The following ZNF33A variants were observed in gnomAD, a reference collection of about 807,000 sequenced individuals.
ZNF33A encodes the protein zinc finger protein 33A, also known as brain my041 protein.
In ZNF33A, 9 loss-of-function variants were observed where a neutral mutation model predicts 15.9. The observed-to-expected ratio is 0.57, with a 90% CI of 0.34 to 0.99. The LOEUF is 0.99. Among genes scored for constraint, ZNF33A ranks in the 50% least tolerant of loss-of-function variants. The pLI is 0.02. For missense variants in ZNF33A, 843 were observed against 941.6 expected (o/e 0.90, Z 1.37); for synonymous variants, 294 against 324.2 (o/e 0.91, Z 1.00).
chr10:38,012,425 GTTTTTTTTTTTT>G, intron 2 of ZNF33A, 75 bp downstream of exon 2: 3 of 527,984 alleles, frequency 5.7e-6, no homozygotes, highest in Non-Finnish European at 8.3e-6. Context: ...TATGGTGTTT[GTTTTTTTTTTTT>G]TTTTTTTTTT....
intron 4 of ZNF33A, among the ~76,000 whole-genome samples, chr10:38,032,019 G>C (rs2065235094): frequency 6.6e-6 from 1 of 152,084 alleles, no homozygotes; most frequent in African/African-American, 2.4e-5. Context: ...TATACTATTT[G>C]TTGAAAAATC....
intron 2 of ZNF33A, among the ~76,000 whole-genome samples, chr10:38,014,427 G>A (rs2064350662): frequency 6.6e-6 from 1 of 152,156 alleles, no homozygotes; most frequent in South Asian, 2.1e-4. Context: ...TACTAGTCTA[G>A]ATGACTTTTC....
intron 4 of ZNF33A, among the ~76,000 whole-genome samples, chr10:38,046,339 G>T (rs1210994521): frequency 1.3e-5 from 2 of 152,144 alleles, no homozygotes. Flanking sequence ...CTCACATAGG[G>T]CCTGGAAAAG....
chr10:38,054,997 T>G lies in ZNF33A; in HGVS notation c.873T>G (p.Ser291=), dbSNP rs144835845. The change falls in exon 5 of 5, where the codon TCT becomes TCG. Residue 291 remains serine, a synonymous_variant. Coordinates refer to ENST00000432900, the MANE Select transcript of ZNF33A (RefSeq NM_006954.2). ...TCTTATGTGTGAAGTCCACCCTTTCTAAACCTCATGGGGTATCTATGAAAC... is the reference window on the plus strand; with the variant it reads ...TCTTATGTGTGAAGTCCACCCTTTCGAAACCTCATGGGGTATCTATGAAAC... ...EKFLCVKSTL[S]KPHGVSMKHY... 6.1e-5 allele frequency: 98 copies of G among 1,614,142 alleles called. No homozygotes were observed. The African/African-American group carries it at 1.1e-3, about 18-fold the overall frequency.
chr10:38,057,595 G>A lies in ZNF33A; in HGVS notation c.*1035G>A. On this transcript the variant is annotated 3_prime_UTR_variant, in exon 5 of 5. Coordinates refer to ENST00000432900, the MANE Select transcript of ZNF33A (RefSeq NM_006954.2). ...TTAAAAGGAGACCCACAGAGCTAATGTTTATCCATTTAAAAGGTATAAATC... is the reference window on the plus strand; with the variant it reads ...TTAAAAGGAGACCCACAGAGCTAATATTTATCCATTTAAAAGGTATAAATC... 1.0e-6 allele frequency: 1 copy of A among 983,232 alleles called. No individual in the cohort carries two copies. The highest frequency in any genetic ancestry group is 1.2e-6 in the Non-Finnish European group (1 of 827,960). 60.9% of individuals were successfully genotyped at this position (983,232 alleles called of 1,614,324 possible).
At chr10:38,042,447 G>T (rs2065747140) in intron 4 of ZNF33A, among the ~76,000 whole-genome samples, 1 of 150,990 alleles carries the variant, frequency 6.6e-6, no homozygotes, top group Non-Finnish European at 1.5e-5. Flanking sequence ...CTCCCAAAGT[G>T]CTGGGATTAC....
At chr10:38,017,120 C>A in intron 3 of ZNF33A, 105 bp downstream of exon 3, 1 of 1,495,016 alleles carries the variant, frequency 6.7e-7, no homozygotes, top group Non-Finnish European at 9.0e-7. Flanking sequence ...GGTTAGGCTT[C>A]AGGAGTCAGT....
intron 4 of ZNF33A, among the ~76,000 whole-genome samples, chr10:38,022,626 C>A (rs2064802544): frequency 7.6e-6 from 1 of 131,670 alleles, no homozygotes; most frequent in East Asian, 2.2e-4. Context: ...CCATTGTACT[C>A]TAGCCTGGGC....
intron 4 of ZNF33A, among the ~76,000 whole-genome samples, chr10:38,029,978 T>C (rs553266471): frequency 6.6e-6 from 1 of 152,302 alleles, no homozygotes; most frequent in Non-Finnish European, 1.5e-5. Flanking sequence ...AACACTAATA[T>C]ATTCATCCAA....
chr10:38,035,645 GTAATGCAAT>G (rs1006375593), intron 4 of ZNF33A, among the ~76,000 whole-genome samples: 18 of 152,164 alleles, frequency 1.2e-4, no homozygotes, highest in African/African-American at 4.3e-4. Context: ...TTTTACATTT[GTAATGCAAT>G]TAGATGTTTT....
rs71007682 is a variant in ZNF33A, at chr10:38,024,163, CAAAAAAAAAAAA to C, written c.250+6784_250+6795del. Among the ~76,000 whole-genome samples the C allele has an allele frequency of 4.3e-5, 4 of 93,218 alleles. No individual in the cohort carries two copies. In the East Asian group the frequency reaches 1.4e-3, roughly 32 times the overall value. The allele number at this position is 93,218 out of a possible 152,430, so 61.2% of individuals were successfully genotyped here. A position where few individuals can be genotyped will look rare whatever the true frequency, so the allele number is the denominator to read the frequency against. On this transcript the variant is annotated intron_variant, in intron 4 of 4. Transcript: ENST00000432900. ...GTGAAACTCCGTCTCAAAAACAAAA[CAAAAAAAAAAAA>C]AAAAAAGAAAAAATGTAAACCTCCC...
chr10:38,010,892 T>C (rs967583003), intron 1 of ZNF33A, 109 bp downstream of exon 1: 29 of 1,376,872 alleles, frequency 2.1e-5, no homozygotes, highest in South Asian at 2.4e-5. Flanking sequence ...GGGGACCTCA[T>C]AGGGGAAGGC....
At chr10:38,062,231 C>T (rs1226663871), downstream of ZNF33A, among the ~76,000 whole-genome samples, 1 of 152,178 alleles carries the variant, frequency 6.6e-6, no homozygotes, top group Non-Finnish European at 1.5e-5. Flanking sequence ...ACTCACCTTT[C>T]TGGCTCTTTC....
intron 4 of ZNF33A, among the ~76,000 whole-genome samples, chr10:38,046,735 C>T (rs986825217): frequency 3.3e-5 from 5 of 151,966 alleles, no homozygotes; most frequent in African/African-American, 1.2e-4. Flanking sequence ...CTGACAAGTT[C>T]ATTGAAAATA....
chr10:38,057,919 T>C lies in ZNF33A; in HGVS notation c.*1359T>C. 2 of 985,318 alleles carry C rather than the reference T, an allele frequency of 2.0e-6. No homozygotes were observed. Among genetic ancestry groups the C allele is most frequent in the African/African-American group, 1.7e-5 (1 of 57,348 alleles). 61.0% of individuals were successfully genotyped at this position (985,318 alleles called of 1,614,324 possible). On this transcript the variant is annotated 3_prime_UTR_variant, in exon 5 of 5. Coordinates refer to ENST00000432900, the MANE Select transcript of ZNF33A (RefSeq NM_006954.2). ...ACAGGGATCTGGGCCCTCAGACTTT[T>C]GAGAATATGAAGAGGAGGGTTGAGG... is the stretch of plus-strand genomic sequence containing the variant.
At chr10:38,043,869 T>G (rs1322180817) in intron 4 of ZNF33A, 3 of 151,886 alleles carry the variant, frequency 2.0e-5, no homozygotes, top group South Asian at 2.1e-4. Context: ...TTTTTTTTTT[T>G]TTTTGTTTAA....
chr10:38,067,197 C>T (rs531452733), downstream of ZNF33A, among the ~76,000 whole-genome samples: 1 of 152,122 alleles, frequency 6.6e-6, no homozygotes, highest in African/African-American at 2.4e-5. Context: ...ATGAATACAC[C>T]AGACCACATG....
intron 4 of ZNF33A, among the ~76,000 whole-genome samples, chr10:38,025,156 G>T (rs1388129800): frequency 6.6e-6 from 1 of 152,198 alleles, no homozygotes; most frequent in African/African-American, 2.4e-5. Context: ...TCCGCTGGGT[G>T]TCTTGGAATG....
In ZNF33A at chr10:38,056,584, T is replaced by C. The variant is rs763665955; in HGVS notation, c.*24T>C. The stretch of plus-strand genomic sequence containing the variant: ...AACTATCCACAAACTCACCTTATGT[T>C]ACTCCAAAGTAATAGTAGGGGATAA... On this transcript the variant is annotated 3_prime_UTR_variant, in exon 5 of 5. Transcript: ENST00000432900. The C allele has an allele frequency of 3.1e-5, 48 of 1,532,980 alleles. 1 individual carries two copies. Among genetic ancestry groups the C allele is most frequent in the African/African-American group, 4.2e-5 (3 of 72,132 alleles). 95.0% of individuals were successfully genotyped at this position (1,532,980 alleles called of 1,614,324 possible). A position where few individuals can be genotyped will look rare whatever the true frequency, so the allele number is the denominator to read the frequency against.
Sources: gnomAD v4.1 joint callset for allele counts (sites outside exome capture counted in the v4.1 genomes callset) on GRCh38, gnomAD v4.1.1 for gene constraint, MANE v1.5 for transcripts, NCBI Gene and HGNC (gene_info 2026-07-23, HGNC 2026-07-21) for gene names.